RGS3: variants seen among roughly 807,000 people sequenced by gnomAD.
The protein encoded by RGS3 is regulator of G-protein signalling 3.
A neutral mutation model predicts 132.6 loss-of-function variants in RGS3; 80 were observed. That is an observed-to-expected ratio of 0.60 (90% confidence interval 0.50 to 0.73). The LOEUF (loss-of-function observed/expected upper bound fraction) is 0.73. RGS3 is among the 30% of genes least tolerant of loss of function. The pLI, the probability that RGS3 is intolerant of heterozygous loss-of-function variation, is 0.00. For synonymous variants in RGS3, 598 were observed against 620.6 expected (o/e 0.96, Z 0.54); for missense variants, 1,382 against 1,530.8 (o/e 0.90, Z 1.62).
intron 3 of RGS3, among the ~76,000 whole-genome samples, chr9:113,474,083 T>C (rs1829918796): frequency 6.6e-6 from 1 of 151,114 alleles, no homozygotes; most frequent in Non-Finnish European, 1.5e-5. Context: ...ATCAAGAGAC[T>C]GAATGCTAAT....
At chr9:113,478,591 T>G (rs1830065993) in intron 3 of RGS3, among the ~76,000 whole-genome samples, 1 of 152,160 alleles carries the variant, frequency 6.6e-6, no homozygotes, top group South Asian at 2.1e-4. Flanking sequence ...GGAGGATCAC[T>G]TGAGCCCAGG....
At chr9:113,460,213 CT>C, upstream of RGS3, 1 of 1,229,150 alleles carries the variant, frequency 8.1e-7, no homozygotes, top group South Asian at 1.3e-5. Flanking sequence ...CACCTTTAAC[CT>C]TATTTCCTTT....
chr9:113,558,360 G>A (rs547839861), intron 19 of RGS3, among the ~76,000 whole-genome samples: 152 of 152,192 alleles, frequency 1.0e-3, no homozygotes, highest in Non-Finnish European at 1.6e-3. Context: ...AAAATTAGCC[G>A]GACGTGGTGG....
chr9:113,581,574 C>T (rs1243124160), intron 19 of RGS3: 1 of 152,236 alleles, frequency 6.6e-6, no homozygotes, highest in Non-Finnish European at 1.5e-5. Context: ...TTCGAGCTTT[C>T]CAGCTTTTCC....
At chr9:113,578,159 C>T (rs950616870) in intron 19 of RGS3, among the ~76,000 whole-genome samples, 1 of 152,108 alleles carries the variant, frequency 6.6e-6, no homozygotes, top group Non-Finnish European at 1.5e-5. Flanking sequence ...ATGAGAGGGG[C>T]CCTGCAGCAG....
chr9:113,545,676 C>T (rs938484387), intron 19 of RGS3, among the ~76,000 whole-genome samples: 1 of 152,170 alleles, frequency 6.6e-6, no homozygotes, highest in African/African-American at 2.4e-5. Context: ...CAAACTGTTC[C>T]CAGATCCTTG....
At chr9:113,461,460 C>T (rs766140014) in intron 1 of RGS3, among the ~76,000 whole-genome samples, 2 of 152,102 alleles carry the variant, frequency 1.3e-5, no homozygotes, top group East Asian at 3.9e-4. Flanking sequence ...AAAGGGTGAC[C>T]GACCTGTCCT....
At chr9:113,448,706 G>A (rs968497706) in intron 1 of RGS3, among the ~76,000 whole-genome samples, 20 of 152,248 alleles carry the variant, frequency 1.3e-4, no homozygotes, top group African/African-American at 4.6e-4. Flanking sequence ...TGAGTGCCTG[G>A]CCCACTGTAA....
chr9:113,490,953 C>T (rs1440679018), intron 7 of RGS3, among the ~76,000 whole-genome samples: 1 of 124,584 alleles, frequency 8.0e-6, no homozygotes, highest in Non-Finnish European at 1.6e-5. Flanking sequence ...AATTATATAT[C>T]GGTATATATA....
intron 19 of RGS3, among the ~76,000 whole-genome samples, chr9:113,561,056 C>T (rs888356300): frequency 6.6e-6 from 1 of 152,182 alleles, no homozygotes; most frequent in Non-Finnish European, 1.5e-5. Flanking sequence ...TGGAGTCTTG[C>T]TCTGTTGCCC....
chr9:113,462,034 C>G lies in RGS3; in HGVS notation c.248C>G (p.Ser83Cys), dbSNP rs1197778860. 1 of 1,613,826 alleles carries G rather than the reference C, an allele frequency of 6.2e-7. No individual in the cohort carries two copies. The highest frequency in any genetic ancestry group is 8.5e-7 in the Non-Finnish European group (1 of 1,179,966). The change falls in exon 3 of 25, where the codon TCT becomes TGT. Residue 83 changes from serine (S) to cysteine (C), a missense_variant. Physicochemically the swap from Ser to Cys is moderately radical, Grantham distance 112. Transcript: ENST00000350696. ...TTGCTCCTGCAGGTCTGCCACGTCT[C>G]TGTGCTCAGTGTCCTCTCTACATCC...
chr9:113,477,564 T>G (rs1830033027), intron 3 of RGS3, among the ~76,000 whole-genome samples: 1 of 152,160 alleles, frequency 6.6e-6, no homozygotes, highest in South Asian at 2.1e-4. Context: ...TCAAGAGGCA[T>G]GTCCAGAGCT....
At chr9:113,514,741 T>C in intron 15 of RGS3, 87 bp downstream of exon 13, 1 of 1,344,332 alleles carries the variant, frequency 7.4e-7, no homozygotes, top group Non-Finnish European at 1.0e-6. Context: ...GATGATGACT[T>C]ATCCCAGGAC....
At chr9:113,492,704 G>A (rs1174608074) in intron 7 of RGS3, among the ~76,000 whole-genome samples, 1 of 152,158 alleles carries the variant, frequency 6.6e-6, no homozygotes, top group Non-Finnish European at 1.5e-5. Flanking sequence ...ACTGACTGCT[G>A]TATTGTCATA....
At position 113,593,647 on chromosome 9, in the gene RGS3, GAGC is replaced by G. The variant is rs373181313; in HGVS notation, c.3081-782_3081-780del. The G allele has an allele frequency of 2.3e-4, 103 of 456,910 alleles. 1 individual carries two copies. The highest frequency in any genetic ancestry group is 1.8e-3 in the African/African-American group (91 of 50,698). The allele number at this position is 456,910 out of a possible 1,614,324, so 28.3% of individuals were successfully genotyped here. A position where few individuals can be genotyped will look rare whatever the true frequency, so the allele number is the denominator to read the frequency against. On this transcript the variant is annotated intron_variant, in intron 21 of 24. Coordinates refer to ENST00000350696, the Ensembl canonical transcript of RGS3. ...CTGAGGCTGAGAGGCCGGCTGGCAG[GAGC>G]CATTCTCTGGGAGGTGCCCTGTACA...
At chr9:113,447,395 C>G (rs1829139020) in intron 1 of RGS3, among the ~76,000 whole-genome samples, 4 of 104,192 alleles carry the variant, frequency 3.8e-5, no homozygotes, top group African/African-American at 1.0e-4. Context: ...GTAGAAATGT[C>G]TACTTTATAT....
At chr9:113,588,938 C>G (rs983948214) in intron 20 of RGS3, among the ~76,000 whole-genome samples, 1 of 152,246 alleles carries the variant, frequency 6.6e-6, no homozygotes, top group African/African-American at 2.4e-5. Context: ...AAAATCTACA[C>G]TCTTAATCAT....
intron 16 of RGS3, among the ~76,000 whole-genome samples, chr9:113,518,544 CTA>C (rs1299346937): frequency 6.6e-6 from 1 of 152,188 alleles, no homozygotes; most frequent in Non-Finnish European, 1.5e-5. Flanking sequence ...TTCTGGGACA[CTA>C]TGTGTGACTG....
At chr9:113,493,204 T>C (rs1219461638) in intron 7 of RGS3, among the ~76,000 whole-genome samples, 4 of 152,254 alleles carry the variant, frequency 2.6e-5, no homozygotes, top group Admixed American at 6.5e-5. Context: ...TGCAACTGCC[T>C]CCTATTAGTG....
Sources: gnomAD v4.1 joint callset for allele counts (sites outside exome capture counted in the v4.1 genomes callset) on GRCh38, gnomAD v4.1.1 for gene constraint, MANE v1.5 for transcripts, NCBI Gene and HGNC (gene_info 2026-07-23, HGNC 2026-07-21) for gene names.